PLCB4: variants seen among roughly 807,000 people sequenced by gnomAD.
PLCB4 encodes the protein 1-phosphatidylinositol 4,5-bisphosphate phosphodiesterase beta-4.
In PLCB4, 77 loss-of-function variants were observed where a neutral mutation model predicts 178.8. The ratio of observed to expected loss-of-function variants is 0.43; its 90% CI spans 0.36 to 0.52. The LOEUF (loss-of-function observed/expected upper bound fraction) is 0.52, where lower values mean the gene tolerates loss of function less well. Among genes scored for constraint, PLCB4 ranks in the 20% least tolerant of loss-of-function variants. PLCB4 has a pLI of 0.00. For synonymous variants in PLCB4, 496 were observed against 490.8 expected (o/e 1.01, Z -0.14); for missense variants, 1,024 against 1,453.4 (o/e 0.70, Z 4.80).
At chr20:9,124,263 C>G (rs1047894227) in intron 2 of PLCB4, among the ~76,000 whole-genome samples, 1 of 152,016 alleles carries the variant, frequency 6.6e-6, no homozygotes, top group Non-Finnish European at 1.5e-5. Flanking sequence ...CCCAGAACTT[C>G]GGGAGACTGA....
rs1199972453 is a variant in PLCB4, at chr20:9,176,294, G to T, written c.-78-41096G>T. 2.6e-5 allele frequency among the ~76,000 whole-genome samples: 4 copies of T among 152,100 alleles called. No individual in the cohort carries two copies. The East Asian group carries it at 5.8e-4, about 22-fold the overall frequency. On this transcript the variant is annotated intron_variant, in intron 2 of 39. Transcript: ENST00000378473. ...CCAGTGTCAGGCTGTTAAGAGTAAGGTTCCTATGAACATTTGTGTACAAAT... is the reference window on the plus strand; with the variant it reads ...CCAGTGTCAGGCTGTTAAGAGTAAGTTTCCTATGAACATTTGTGTACAAAT...
At chr20:9,139,415 T>C (rs899132401) in intron 2 of PLCB4, among the ~76,000 whole-genome samples, 14 of 152,066 alleles carry the variant, frequency 9.2e-5, no homozygotes, top group African/African-American at 3.1e-4. Flanking sequence ...TGGTTAGTAG[T>C]TGATGTGTTT....
intron 1 of PLCB4, among the ~76,000 whole-genome samples, chr20:9,085,603 C>A (rs1326879785): frequency 6.6e-6 from 1 of 152,032 alleles, no homozygotes; most frequent in Non-Finnish European, 1.5e-5. Flanking sequence ...TTTTGTCTTA[C>A]TTTTAAATTC....
chr20:9,444,078 G>T, intron 31 of PLCB4, 48 bp downstream of exon 31: 1 of 1,443,942 alleles, frequency 6.9e-7, no homozygotes, highest in East Asian at 2.3e-5. Flanking sequence ...TACACATATT[G>T]GTGACACCAA....
At chr20:9,411,209 T>C in intron 25 of PLCB4, 121 bp downstream of exon 25, 1 of 667,024 alleles carries the variant, frequency 1.5e-6, no homozygotes, top group African/African-American at 1.8e-5. Flanking sequence ...AGGGATGGAA[T>C]AGAAAGAAAT....
chr20:9,402,731 G>C (rs1461450539), intron 20 of PLCB4, among the ~76,000 whole-genome samples: 3 of 152,214 alleles, frequency 2.0e-5, no homozygotes, highest in African/African-American at 7.2e-5. Flanking sequence ...CCTACTGATG[G>C]ATGGAATGTG....
intron 3 of PLCB4, among the ~76,000 whole-genome samples, chr20:9,275,497 C>T (rs1253958089): frequency 1.3e-5 from 2 of 152,028 alleles, no homozygotes; most frequent in African/African-American, 4.8e-5. Context: ...GCTATTATTG[C>T]ACAAGGTCAT....
intron 2 of PLCB4, among the ~76,000 whole-genome samples, chr20:9,097,955 T>A (rs2090982150): frequency 6.6e-6 from 1 of 152,152 alleles, no homozygotes; most frequent in Non-Finnish European, 1.5e-5. Flanking sequence ...CCGTGTAAAT[T>A]TGGCATTTGG....
chr20:9,287,325 A>G (rs529079238), intron 3 of PLCB4, among the ~76,000 whole-genome samples: 2 of 152,152 alleles, frequency 1.3e-5, no homozygotes, highest in African/African-American at 4.8e-5. Flanking sequence ...GAAGATAACT[A>G]AAGTTATTAC....
intron 4 of PLCB4, among the ~76,000 whole-genome samples, chr20:9,315,093 C>G (rs1303954918): frequency 6.6e-6 from 1 of 151,998 alleles, no homozygotes; most frequent in Non-Finnish European, 1.5e-5. Context: ...AACAGAAAGT[C>G]TATTTACACA....
At position 9,388,728 on chromosome 20, in the gene PLCB4, C is replaced by G. The variant is rs192596364; in HGVS notation, c.1159-1151C>G. Among the ~76,000 whole-genome samples the G allele has an allele frequency of 2.9e-3, 435 of 152,182 alleles. 2 individuals carry two copies. Among genetic ancestry groups the G allele is most frequent in the Non-Finnish European group, 3.8e-3 (261 of 67,996 alleles). On this transcript the variant is annotated intron_variant, in intron 15 of 39. Coordinates refer to ENST00000378473, the MANE Select transcript of PLCB4 (RefSeq NM_001377142.1). Reference sequence around the variant, plus strand: ...CTCTGTCTCAAAAAAAACACACATACACACACACGCAGATGTCTAGATGCT... The same window carrying G: ...CTCTGTCTCAAAAAAAACACACATAGACACACACGCAGATGTCTAGATGCT...
chr20:9,253,665 A>G (rs1050817128), intron 3 of PLCB4, among the ~76,000 whole-genome samples: 5 of 152,192 alleles, frequency 3.3e-5, no homozygotes, highest in Non-Finnish European at 5.9e-5. Flanking sequence ...CAAATGAGGT[A>G]TGCATAAAGT....
At chr20:9,372,953 T>C (rs537893780) in intron 11 of PLCB4, 94 bp from the exon 12 acceptor site, 74 of 615,334 alleles carry the variant, frequency 1.2e-4, no homozygotes, top group Middle Eastern at 7.4e-4. Flanking sequence ...AGAAAATAAG[T>C]TTAGAATTAT....
chr20:9,449,785 C>T (rs764455771), intron 32 of PLCB4, among the ~76,000 whole-genome samples: 75 of 152,160 alleles, frequency 4.9e-4, no homozygotes, highest in Non-Finnish European at 3.7e-4. Flanking sequence ...GCAATTTAGC[C>T]GACAGCACCA....
At chr20:9,253,983 T>C (rs550997376) in intron 3 of PLCB4, among the ~76,000 whole-genome samples, 1 of 152,296 alleles carries the variant, frequency 6.6e-6, no homozygotes, top group Admixed American at 6.5e-5. Context: ...AGCAAAAGTA[T>C]GTTTGGTCTG....
chr20:9,328,723 T>C (rs1214457403), intron 4 of PLCB4, among the ~76,000 whole-genome samples: 2 of 152,218 alleles, frequency 1.3e-5, no homozygotes, highest in African/African-American at 4.8e-5. Context: ...ATGTCCTCAC[T>C]TGTAAAATAG....
chr20:9,388,581 G>A (rs1165841609), intron 15 of PLCB4, among the ~76,000 whole-genome samples: 1 of 152,134 alleles, frequency 6.6e-6, no homozygotes, highest in Non-Finnish European at 1.5e-5. Context: ...TAGCTGGTGT[G>A]GTGGCATGCA....
intron 13 of PLCB4, 146 bp from the exon 14 acceptor site, chr20:9,384,055 A>G: frequency 3.1e-6 from 2 of 643,210 alleles, no homozygotes; most frequent in Admixed American, 5.3e-5. Context: ...ATTTCATTCA[A>G]GTTCTGACAG....
chr20:9,218,770 CCTAT>C (rs2093762646), intron 3 of PLCB4, among the ~76,000 whole-genome samples: 1 of 152,128 alleles, frequency 6.6e-6, no homozygotes, highest in African/African-American at 2.4e-5. Flanking sequence ...ATTGAATGTT[CCTAT>C]CTATTTTTAG....
Sources: gnomAD v4.1 joint callset for allele counts (sites outside exome capture counted in the v4.1 genomes callset) on GRCh38, gnomAD v4.1.1 for gene constraint, MANE v1.5 for transcripts, NCBI Gene and HGNC (gene_info 2026-07-23, HGNC 2026-07-21) for gene names.